The following ABCC12 variants were observed in gnomAD, a reference collection of about 807,000 sequenced individuals.
ABCC12 encodes ATP-binding cassette sub-family C member 12.
ABCC12 carries 142 observed loss-of-function variants against 151.1 expected under a neutral mutation model. The ratio of observed to expected loss-of-function variants is 0.94; its 90% CI spans 0.82 to 1.08. The LOEUF (loss-of-function observed/expected upper bound fraction) is 1.08. Among genes scored for constraint, ABCC12 ranks in the 50% least tolerant of loss-of-function variants. The pLI, the probability that ABCC12 is intolerant of heterozygous loss-of-function variation, is 0.00. For synonymous variants in ABCC12, 645 were observed against 646.4 expected (o/e 1.00, Z 0.03); for missense variants, 1,638 against 1,691.1 (o/e 0.97, Z 0.55).
intron 3 of ABCC12, among the ~76,000 whole-genome samples, chr16:48,145,616 T>A (rs1964971218): frequency 6.6e-6 from 1 of 152,182 alleles, no homozygotes; most frequent in Non-Finnish European, 1.5e-5. Context: ...CAAACCTGAA[T>A]CTCAAGAAGC....
At chr16:48,120,524 T>A (rs1012936762) in intron 13 of ABCC12, among the ~76,000 whole-genome samples, 2 of 151,736 alleles carry the variant, frequency 1.3e-5, no homozygotes, top group African/African-American at 4.8e-5. Context: ...ACTATAGAAA[T>A]GTCCACGGTG....
At chr16:48,128,800 G>A in intron 10 of ABCC12, 63 bp from the exon 11 acceptor site, 1 of 1,553,760 alleles carries the variant, frequency 6.4e-7, no homozygotes, top group Non-Finnish European at 8.7e-7. Context: ...TCATCCCAAT[G>A]TATCTTCTAA....
At chr16:48,119,854 C>A (rs189700610) in intron 13 of ABCC12, among the ~76,000 whole-genome samples, 1 of 152,216 alleles carries the variant, frequency 6.6e-6, no homozygotes, top group African/African-American at 2.4e-5. Context: ...TGGAGCTCAA[C>A]GTCTAAGTCC....
intron 24 of ABCC12, among the ~76,000 whole-genome samples, chr16:48,093,592 T>C (rs1962989363): frequency 6.6e-6 from 1 of 152,178 alleles, no homozygotes; most frequent in South Asian, 2.1e-4. Context: ...AGCTGCCCAC[T>C]AGAATGAGGG....
intron 15 of ABCC12, among the ~76,000 whole-genome samples, chr16:48,113,579 G>C (rs1026148496): frequency 2.6e-5 from 4 of 152,224 alleles, no homozygotes; most frequent in African/African-American, 9.7e-5. Flanking sequence ...GGGAGTAAGA[G>C]CAGAGGGGAT....
intron 16 of ABCC12, 38 bp from the exon 17 acceptor site, chr16:48,111,700 A>T: frequency 1.2e-6 from 2 of 1,614,086 alleles, no homozygotes; most frequent in Non-Finnish European, 1.7e-6. Flanking sequence ...ATGCTAAGTG[A>T]CAGGACCTCT....
At chr16:48,138,540 A>C (rs1964689093) in intron 7 of ABCC12, among the ~76,000 whole-genome samples, 165 bp from the exon 8 acceptor site, 1 of 152,170 alleles carries the variant, frequency 6.6e-6, no homozygotes, top group East Asian at 1.9e-4. Context: ...ATGCTGTCTG[A>C]GGAACACCAT....
At chr16:48,132,568 C>T (rs558961567) in intron 9 of ABCC12, among the ~76,000 whole-genome samples, 100 of 152,202 alleles carry the variant, frequency 6.6e-4, no homozygotes, top group Admixed American at 1.2e-3. Context: ...CCTCCAATTA[C>T]TTGGTTTAAT....
At chr16:48,105,637 G>A (rs950538435) in intron 20 of ABCC12, among the ~76,000 whole-genome samples, 1 of 152,180 alleles carries the variant, frequency 6.6e-6, no homozygotes, top group Non-Finnish European at 1.5e-5. Flanking sequence ...ACTGCACCTC[G>A]GGAGACCAGA....
At chr16:48,089,226 G>T (rs1484630517) in intron 25 of ABCC12, among the ~76,000 whole-genome samples, 1 of 152,218 alleles carries the variant, frequency 6.6e-6, no homozygotes, top group East Asian at 1.9e-4. Context: ...ATGACTTAGA[G>T]GAATACACAA....
At chr16:48,133,632 T>A in intron 9 of ABCC12, 55 bp downstream of exon 9, 1 of 1,594,690 alleles carries the variant, frequency 6.3e-7, no homozygotes. Context: ...GCTTCCCACC[T>A]GGGACTTGCC....
chr16:48,088,181 A>T, intron 26 of ABCC12, 96 bp from the exon 27 acceptor site: 1 of 1,382,378 alleles, frequency 7.2e-7, no homozygotes, highest in Non-Finnish European at 1.0e-6. Context: ...ATGCAATGCA[A>T]ATGTCTCCGT....
At chr16:48,115,391 C>T (rs773459765) in intron 15 of ABCC12, 24 bp downstream of exon 15, 1 of 1,611,640 alleles carries the variant, frequency 6.2e-7, no homozygotes, top group Non-Finnish European at 8.5e-7. Context: ...CCCGTGACCT[C>T]CTGGATCCTG....
At position 48,100,934 on chromosome 16, in the gene ABCC12, G is replaced by C. The variant is rs756409947; in HGVS notation, c.2976C>G (p.Thr992=). Residue 992 remains threonine (T), a synonymous_variant, in exon 23 of 31, where the codon ACC becomes ACG. Transcript: ENST00000311303. Reference sequence around the variant, plus strand: ...TGATGCCCAGGCCCTGCATGGAGGAGGTGATGTGGGTGAACCAGGGTGACC... The same window carrying C: ...TGATGCCCAGGCCCTGCATGGAGGACGTGATGTGGGTGAACCAGGGTGACC... ...VSRSPWFTHI[T]SSMQGLGIIH... 6.2e-7 allele frequency: 1 copy of C among 1,614,248 alleles called. No individual in the cohort carries two copies. Among genetic ancestry groups the C allele is most frequent in the Admixed American group, 1.7e-5 (1 of 60,034 alleles).
In ABCC12 at chr16:48,128,648, T is replaced by G. The variant is rs1964319601; in HGVS notation, c.1326A>C (p.Thr442=). The G allele has an allele frequency of 1.2e-6, 2 of 1,614,208 alleles. No individual in the cohort carries two copies. The highest frequency in any genetic ancestry group is 1.7e-6 in the Non-Finnish European group (2 of 1,180,030). ...TTTTCCTGCTGGCTTCATGCTCCCA[T>G]GTCAAGGTGGCATTTGCTAAAAGCA... ...TVLLLANATL[T]WEHEASRKST... is the part of the protein sequence containing the mutation. Residue 442 remains threonine, a synonymous_variant, in exon 11 of 31, where the codon ACA becomes ACC. Transcript: ENST00000311303.
chr16:48,147,362 AT>A, intron 2 of ABCC12, among the ~76,000 whole-genome samples: 1 of 152,176 alleles, frequency 6.6e-6, no homozygotes, highest in African/African-American at 2.4e-5. Context: ...CTATAGATAA[AT>A]TCTCCTTTTT....
At chr16:48,124,062 G>C in intron 12 of ABCC12, 151 bp downstream of exon 12, 1 of 821,066 alleles carries the variant, frequency 1.2e-6, no homozygotes, top group Admixed American at 2.0e-5. Flanking sequence ...TGGAGCTGCT[G>C]CGTGCATTAA....
chr16:48,101,066 G>T, intron 22 of ABCC12, 57 bp from the exon 23 acceptor site: 2 of 1,587,452 alleles, frequency 1.3e-6, no homozygotes, highest in South Asian at 2.3e-5. Flanking sequence ...CATCAGGCTT[G>T]CCCTCACACA....
chr16:48,126,474 A>G (rs1259671644), intron 11 of ABCC12, among the ~76,000 whole-genome samples: 1 of 152,238 alleles, frequency 6.6e-6, no homozygotes, highest in Non-Finnish European at 1.5e-5. Flanking sequence ...CTAAACTTGG[A>G]AAAACCTGGA....
Sources: gnomAD v4.1 joint callset for allele counts (sites outside exome capture counted in the v4.1 genomes callset) on GRCh38, gnomAD v4.1.1 for gene constraint, MANE v1.5 for transcripts, NCBI Gene and HGNC (gene_info 2026-07-23, HGNC 2026-07-21) for gene names.